Variants in SCHIP1 observed in about 807,000 individuals in gnomAD.
The protein encoded by SCHIP1 is schwannomin interacting protein 1, also known as schwannomin-interacting protein 1.
In SCHIP1, 8 loss-of-function variants were observed where a neutral mutation model predicts 29.7. The observed-to-expected ratio is 0.27, with a 90% confidence interval of 0.16 to 0.49. The LOEUF (loss-of-function observed/expected upper bound fraction) is 0.49. Ranked by LOEUF, SCHIP1 falls within the 20% of genes least tolerant of loss-of-function variation. The probability of loss-of-function intolerance (pLI) is 0.99; values close to 1 mark genes in which losing one functional copy is unlikely to be tolerated. For missense variants in SCHIP1, 193 were observed against 294.6 expected (o/e 0.66, Z 2.52); for synonymous variants, 76 against 94.9 (o/e 0.80, Z 1.16).
the SCHIP1 span, among the ~76,000 whole-genome samples, chr3:159,592,205 C>T: frequency 5.3e-5 from 8 of 152,070 alleles, no homozygotes; most frequent in African/African-American, 1.9e-4. Flanking sequence ...CCCTCATTTC[C>T]CATTCTTTTT....
the SCHIP1 span, among the ~76,000 whole-genome samples, chr3:159,305,215 G>T: frequency 1.3e-5 from 2 of 152,088 alleles, no homozygotes; most frequent in Non-Finnish European, 2.9e-5. Flanking sequence ...CCAGTAGCAG[G>T]GGATACCTCA....
chr3:159,775,534 G>A, the SCHIP1 span, among the ~76,000 whole-genome samples: 1 of 152,248 alleles, frequency 6.6e-6, no homozygotes, highest in East Asian at 1.9e-4. Context: ...TGCCTGTTTC[G>A]CCTTTCTCTC....
At chr3:159,621,999 A>G in the SCHIP1 span, among the ~76,000 whole-genome samples, 2 of 152,194 alleles carry the variant, frequency 1.3e-5, no homozygotes, top group Non-Finnish European at 1.5e-5. Flanking sequence ...ATCTGTCTCC[A>G]AGCCACAAGG....
At chr3:159,289,246 A>G in the SCHIP1 span, among the ~76,000 whole-genome samples, 50,005 of 152,020 alleles carry the variant, frequency 0.33, 9,114 homozygotes, top group Non-Finnish European at 0.42. Context: ...CTTAAACTGC[A>G]TTAATATTAC....
the SCHIP1 span, among the ~76,000 whole-genome samples, chr3:159,333,055 G>C: frequency 6.6e-6 from 1 of 152,090 alleles, no homozygotes; most frequent in Admixed American, 6.6e-5. Context: ...CTGAAAGACT[G>C]TTACTTTTCA....
At chr3:159,696,728 T>A in the SCHIP1 span, among the ~76,000 whole-genome samples, 2 of 152,172 alleles carry the variant, frequency 1.3e-5, no homozygotes, top group Non-Finnish European at 2.9e-5. Flanking sequence ...GTCGGGGTTC[T>A]TAACACAATC....
the SCHIP1 span, among the ~76,000 whole-genome samples, chr3:159,301,373 C>T: frequency 1.3e-5 from 2 of 151,822 alleles, no homozygotes; most frequent in South Asian, 2.1e-4. Context: ...GTACTTAACA[C>T]GACTTTTTTT....
chr3:159,431,022 A>T, the SCHIP1 span, among the ~76,000 whole-genome samples: 1 of 152,176 alleles, frequency 6.6e-6, no homozygotes, highest in Non-Finnish European at 1.5e-5. Flanking sequence ...TAGGACCAGG[A>T]CCTTCAATAC....
chr3:159,777,493 A>AT, the SCHIP1 span, among the ~76,000 whole-genome samples: 1 of 151,268 alleles, frequency 6.6e-6, no homozygotes, highest in African/African-American at 2.4e-5. Flanking sequence ...ATTTCACTTA[A>AT]TTTTTATACA....
chr3:159,701,436 C>A, the SCHIP1 span, among the ~76,000 whole-genome samples: 1 of 152,080 alleles, frequency 6.6e-6, no homozygotes, highest in Non-Finnish European at 1.5e-5. Context: ...TTTAAATTTT[C>A]AAAGAAATAG....
the SCHIP1 span, among the ~76,000 whole-genome samples, chr3:159,648,086 G>A: frequency 6.6e-6 from 1 of 152,158 alleles, no homozygotes; most frequent in Non-Finnish European, 1.5e-5. Flanking sequence ...GAAGGAGGCT[G>A]CAAGAGCTTC....
the SCHIP1 span, among the ~76,000 whole-genome samples, chr3:159,342,997 C>G: frequency 6.6e-6 from 1 of 152,248 alleles, no homozygotes; most frequent in African/African-American, 2.4e-5. Context: ...TTACAATGCT[C>G]AACTATAAAT....
chr3:159,852,287 T>C (rs1275299829), intron 1 of SCHIP1, among the ~76,000 whole-genome samples: 2 of 152,220 alleles, frequency 1.3e-5, no homozygotes, highest in East Asian at 3.8e-4. Context: ...TCTAAGCTTG[T>C]CAGAGTGTAA....
At chr3:159,626,996 T>C in the SCHIP1 span, among the ~76,000 whole-genome samples, 2 of 152,196 alleles carry the variant, frequency 1.3e-5, no homozygotes, top group African/African-American at 2.4e-5. Context: ...AAACCCCACG[T>C]GCATTAGGTA....
chr3:159,628,107 G>C, the SCHIP1 span, among the ~76,000 whole-genome samples: 1 of 152,220 alleles, frequency 6.6e-6, no homozygotes, highest in East Asian at 1.9e-4. Context: ...AAGTAACTGA[G>C]GAGTGGAGTT....
the SCHIP1 span, among the ~76,000 whole-genome samples, chr3:159,660,863 A>G: frequency 2.0e-5 from 3 of 152,232 alleles, no homozygotes; most frequent in African/African-American, 7.2e-5. Flanking sequence ...ATCAGCCCAC[A>G]GAATCAGGCA....
chr3:159,889,855 G>A (rs1440948038), intron 5 of SCHIP1, among the ~76,000 whole-genome samples: 1 of 152,172 alleles, frequency 6.6e-6, no homozygotes, highest in Admixed American at 6.5e-5. Flanking sequence ...CCAGCACTTT[G>A]GGAGGCCGAG....
chr3:159,481,290 C>T, the SCHIP1 span, among the ~76,000 whole-genome samples: 73 of 152,210 alleles, frequency 4.8e-4, no homozygotes, highest in African/African-American at 1.7e-3. Flanking sequence ...GTACCATAAG[C>T]ATGAAAACCA....
the SCHIP1 span, among the ~76,000 whole-genome samples, chr3:159,362,834 A>C: frequency 1.3e-5 from 2 of 152,142 alleles, no homozygotes; most frequent in Admixed American, 6.5e-5. Flanking sequence ...GCCCCTGAAG[A>C]CTGGTCACTT....
Sources: allele counts gnomAD v4.1 joint callset (sites outside exome capture counted in the v4.1 genomes callset), GRCh38; gene constraint gnomAD v4.1.1; transcripts MANE v1.5; gene names NCBI Gene and HGNC (gene_info 2026-07-23, HGNC 2026-07-21).